Variants in USP6NL observed in about 807,000 individuals in gnomAD.
USP6NL encodes the protein USP6 N-terminal-like protein.
In USP6NL, 26 loss-of-function variants were observed where a neutral mutation model predicts 61.9. The ratio of observed to expected loss-of-function variants is 0.42; its 90% CI spans 0.31 to 0.58. USP6NL has a LOEUF of 0.58. USP6NL is among the 20% of genes least tolerant of loss of function. The pLI, the probability that USP6NL is intolerant of heterozygous loss-of-function variation, is 0.16. For synonymous variants in USP6NL, 432 were observed against 390.1 expected, an observed-to-expected ratio of 1.11 and a Z score of -1.27; for missense variants, 1,114 against 1,034.3, an observed-to-expected ratio of 1.08 and a Z score of -1.06.
At position 11,463,990 on chromosome 10, in the gene USP6NL, T is replaced by G; in HGVS notation, c.1079-141A>C. The G allele has an allele frequency of 1.2e-6, 1 of 835,202 alleles. No individual in the cohort carries two copies. The highest frequency in any genetic ancestry group is 2.7e-5 in the East Asian group (1 of 36,652). 51.7% of individuals were successfully genotyped at this position (835,202 alleles called of 1,614,324 possible). On this transcript the variant is annotated intron_variant, in intron 14 of 14. Transcript: ENST00000609104. This position sits in a 1 kb window ranked among gnomAD's most constrained non-coding sequence, Gnocchi z 6.3. Reference sequence around the variant, plus strand: ...TACAACACACTGTCATACAACACACTGTTTATACCACTTACACACACTGTT... The same window carrying G: ...TACAACACACTGTCATACAACACACGGTTTATACCACTTACACACACTGTT...
chr10:11,601,104 A>G (rs538375782), intron 1 of USP6NL, among the ~76,000 whole-genome samples: 1 of 152,348 alleles, frequency 6.6e-6, no homozygotes, highest in South Asian at 2.1e-4. Flanking sequence ...AAGAAACTGA[A>G]ATTTCCATCA....
chr10:11,535,012 T>TCTC, intron 2 of USP6NL, among the ~76,000 whole-genome samples: 1 of 152,326 alleles, frequency 6.6e-6, no homozygotes, highest in South Asian at 2.1e-4. Flanking sequence ...AAATATTTAA[T>TCTC]CTCCCATTTT....
In USP6NL at chr10:11,474,613, C is replaced by T. The variant is rs764494754; in HGVS notation, c.1078+7157G>A. Among the ~76,000 whole-genome samples, 79 of 152,128 alleles carry T rather than the reference C, an allele frequency of 5.2e-4. No homozygotes were observed. Among genetic ancestry groups the T allele is most frequent in the Non-Finnish European group, 5.7e-4 (39 of 67,992 alleles). ...CTGAATTAAATGTAAGGAAGAAATACGTTTCTAAATTTGTGAGTTTAATAA... is the reference window on the plus strand; with the variant it reads ...CTGAATTAAATGTAAGGAAGAAATATGTTTCTAAATTTGTGAGTTTAATAA... On this transcript the variant is annotated intron_variant, in intron 14 of 14. Coordinates refer to ENST00000609104, the MANE Select transcript of USP6NL (RefSeq NM_014688.5). The surrounding 1 kb of genome is among the most constrained non-coding windows in gnomAD (Gnocchi z 4.9).
At chr10:11,599,151 C>T (rs1838425540) in intron 1 of USP6NL, among the ~76,000 whole-genome samples, 1 of 152,144 alleles carries the variant, frequency 6.6e-6, no homozygotes, top group Non-Finnish European at 1.5e-5. Flanking sequence ...TGTTTTCCTG[C>T]CTAGGAAACT....
intron 6 of USP6NL, among the ~76,000 whole-genome samples, chr10:11,501,754 T>G (rs1468492582): frequency 6.6e-6 from 1 of 152,202 alleles, no homozygotes; most frequent in East Asian, 1.9e-4. Context: ...TTAATCCTAC[T>G]GGCCATCTTC....
chr10:11,479,586 T>G (rs1833111461), intron 14 of USP6NL, among the ~76,000 whole-genome samples: 1 of 151,144 alleles, frequency 6.6e-6, no homozygotes, highest in South Asian at 2.1e-4. Flanking sequence ...TTTTGGTTTT[T>G]TTTTTTTGAG....
chr10:11,505,728 A>G (rs964667903), intron 6 of USP6NL, among the ~76,000 whole-genome samples: 1 of 152,218 alleles, frequency 6.6e-6, no homozygotes, highest in Non-Finnish European at 1.5e-5. Flanking sequence ...CCTTTTTCTA[A>G]ACCTTGGTGA....
chr10:11,543,803 G>GCTTT (rs1836161546), intron 2 of USP6NL, among the ~76,000 whole-genome samples: 1 of 76,362 alleles, frequency 1.3e-5, no homozygotes, highest in Non-Finnish European at 2.5e-5. Flanking sequence ...AAATATTTAG[G>GCTTT]TTTTTTTTTT....
chr10:11,551,287 A>T (rs973149026), intron 2 of USP6NL, among the ~76,000 whole-genome samples: 1 of 152,266 alleles, frequency 6.6e-6, no homozygotes, highest in Non-Finnish European at 1.5e-5. Flanking sequence ...AACAACAAAA[A>T]GGAAAAAACT....
At chr10:11,588,229 A>G (rs61133364) in intron 2 of USP6NL, among the ~76,000 whole-genome samples, 17,741 of 152,312 alleles carry the variant, frequency 0.12, 1,596 homozygotes, top group East Asian at 0.43. Flanking sequence ...ACAAAAGGCA[A>G]TGTGTGAATA....
rs994480550 is a variant in USP6NL at position 11,481,635 on chromosome 10, G to A, written c.1078+135C>T. The A allele has an allele frequency of 2.2e-5, 20 of 908,902 alleles. No individual in the cohort carries two copies. Among genetic ancestry groups the A allele is most frequent in the Middle Eastern group, 3.0e-4 (1 of 3,384 alleles). The allele number at this position is 908,902 out of a possible 1,614,324, so 56.3% of individuals were successfully genotyped here. ...AGGAAAAAGCCAAAGCAGCTGAGCT[G>A]GTAAGGCATTCATCCACATTATGTC... On this transcript the variant is annotated intron_variant, in intron 14 of 14. Coordinates refer to ENST00000609104, the MANE Select transcript of USP6NL (RefSeq NM_014688.5). This position sits in a 1 kb window ranked among gnomAD's most constrained non-coding sequence, Gnocchi z 4.4.
chr10:11,499,503 T>A lies in USP6NL; in HGVS notation c.384+1598A>T, dbSNP rs1178686760. 6.6e-6 allele frequency among the ~76,000 whole-genome samples: 1 copy of A among 152,144 alleles called. No homozygotes were observed. The highest frequency in any genetic ancestry group is 1.5e-5 in the Non-Finnish European group (1 of 68,014). On this transcript the variant is annotated intron_variant, in intron 7 of 14. Transcript: ENST00000609104. The surrounding 1 kb of genome is among the most constrained non-coding windows in gnomAD (Gnocchi z 4.5). ...CCAAGAACCTGTGACTGTGACCTCA[T>A]CTGGAAATGGGGCCTCTGCCGGGGT...
intron 2 of USP6NL, among the ~76,000 whole-genome samples, chr10:11,547,016 C>A (rs1836295284): frequency 6.6e-6 from 1 of 152,160 alleles, no homozygotes; most frequent in African/African-American, 2.4e-5. Context: ...AATACTATTT[C>A]ACAAAATTAT....
chr10:11,517,245 G>C (rs1372846524), intron 5 of USP6NL, among the ~76,000 whole-genome samples: 1 of 152,178 alleles, frequency 6.6e-6, no homozygotes, highest in Non-Finnish European at 1.5e-5. Flanking sequence ...CAGAGTGTGA[G>C]AACAAATCCT....
rs1451513156 is a variant in USP6NL at position 11,487,482 on chromosome 10, T to A, written c.665-1571A>T. Among the ~76,000 whole-genome samples, 1 of 152,208 alleles carries A rather than the reference T, an allele frequency of 6.6e-6. No individual in the cohort carries two copies. The highest frequency in any genetic ancestry group is 1.5e-5 in the Non-Finnish European group (1 of 68,028). On this transcript the variant is annotated intron_variant, in intron 10 of 14. Coordinates refer to ENST00000609104, the MANE Select transcript of USP6NL (RefSeq NM_014688.5). The surrounding 1 kb of genome is among the most constrained non-coding windows in gnomAD (Gnocchi z 4.2). ...AGCTATCAAATAGGTTTAAAAGAAA[T>A]GACCACTTCCTAAAATTGGACAGTC...
intron 2 of USP6NL, among the ~76,000 whole-genome samples, chr10:11,577,585 C>A (rs1396895541): frequency 6.6e-6 from 1 of 152,112 alleles, no homozygotes; most frequent in Non-Finnish European, 1.5e-5. Flanking sequence ...ACTGCAACCT[C>A]CGCCTCCCAG....
rs1167708515 is a variant in USP6NL at position 11,490,945 on chromosome 10, TAAAA to T, written c.495-69_495-66del. On this transcript the variant is annotated intron_variant, in intron 8 of 14. Coordinates refer to ENST00000609104, the MANE Select transcript of USP6NL (RefSeq NM_014688.5). This position sits in a 1 kb window ranked among gnomAD's most constrained non-coding sequence, Gnocchi z 4.5. ...TCACATATTTTAAAAATTACAAACT[TAAAA>T]AAATAAACCAAAGACTGACTGAAAA... is the stretch of plus-strand genomic sequence containing the variant. 1 of 1,379,208 alleles carries T rather than the reference TAAAA, an allele frequency of 7.3e-7. No homozygotes were observed. Among genetic ancestry groups the T allele is most frequent in the African/African-American group, 1.5e-5 (1 of 67,866 alleles). 85.4% of individuals were successfully genotyped at this position (1,379,208 alleles called of 1,614,324 possible). A position where few individuals can be genotyped will look rare whatever the true frequency, so the allele number is the denominator to read the frequency against.
In USP6NL at chr10:11,462,467, A is replaced by G. The variant is rs747424902; in HGVS notation, c.2461T>C (p.Ser821Pro). 6.2e-7 allele frequency: 1 copy of G among 1,613,574 alleles called. No individual in the cohort carries two copies. Among genetic ancestry groups the G allele is most frequent in the African/African-American group, 1.3e-5 (1 of 74,904 alleles). The change falls in exon 15 of 15, where the codon TCC becomes CCC. Residue 821 changes from serine (S) to proline (P), a missense_variant. Ser to Pro is a moderately conservative substitution (Grantham distance 74). Transcript: ENST00000609104. The part of the protein sequence containing the change: ...AYHYRNRDGL[S>P]IQESVLL ...CACAGCAACACTGACTCTTGGATGG[A>G]AAGCCCGTCCCGATTCCTGTAGTGG...
chr10:11,557,673 T>C (rs972774345), intron 2 of USP6NL, among the ~76,000 whole-genome samples: 2 of 152,154 alleles, frequency 1.3e-5, no homozygotes, highest in Non-Finnish European at 2.9e-5. Context: ...ACAAGAGAGC[T>C]GAGTAAGCAA....
Sources: allele counts gnomAD v4.1 joint callset (sites outside exome capture counted in the v4.1 genomes callset), GRCh38; gene constraint gnomAD v4.1.1; non-coding constraint Gnocchi (gnomAD v3.1); transcripts MANE v1.5; gene names NCBI Gene and HGNC (gene_info 2026-07-23, HGNC 2026-07-21).